The following ADAMTSL3 variants were observed in gnomAD, a reference collection of about 807,000 sequenced individuals.
ADAMTSL3 encodes ADAMTS like 3.
In ADAMTSL3, 128 loss-of-function variants were observed where a neutral mutation model predicts 201.7. The ratio of observed to expected loss-of-function variants is 0.63; its 90% CI spans 0.55 to 0.73. The LOEUF (loss-of-function observed/expected upper bound fraction) is 0.73, where lower values mean the gene tolerates loss of function less well. Among genes scored for constraint, ADAMTSL3 ranks in the 30% least tolerant of loss-of-function variants. The probability of loss-of-function intolerance (pLI) is 0.00; values close to 1 mark genes in which losing one functional copy is unlikely to be tolerated. For missense variants in ADAMTSL3, 1,990 were observed against 2,119.6 expected (o/e 0.94, Z 1.20); for synonymous variants, 738 against 748.4 (o/e 0.99, Z 0.23).
chr15:83,821,260 TA>T (rs1339237823), intron 6 of ADAMTSL3, among the ~76,000 whole-genome samples: 1 of 152,042 alleles, frequency 6.6e-6, no homozygotes, highest in Non-Finnish European at 1.5e-5. Context: ...TTTTTTTTTT[TA>T]ATTGATCATT....
Position 84,025,522 on chromosome 15 carries a change from C to T in ADAMTSL3, c.4656+86C>T. ...TAATCACCTTGTTTCCAATAAACTA[C>T]TTTTGGGGCGGGGGGCAGGAATCTG... is the stretch of plus-strand genomic sequence containing the variant. On this transcript the variant is annotated intron_variant, in intron 27 of 29. Transcript: ENST00000286744. 2.3e-6 allele frequency: 3 copies of T among 1,326,666 alleles called. No individual in the cohort carries two copies. The South Asian group carries it at 4.4e-5, about 20-fold the overall frequency. 82.2% of individuals were successfully genotyped at this position (1,326,666 alleles called of 1,614,324 possible).
chr15:83,886,619 G>C (rs2065396791), intron 10 of ADAMTSL3, among the ~76,000 whole-genome samples: 1 of 152,074 alleles, frequency 6.6e-6, no homozygotes, highest in Non-Finnish European at 1.5e-5. Context: ...CTCAGGTATG[G>C]TCTTGTTTGA....
At chr15:83,888,593 C>T (rs545808832) in intron 10 of ADAMTSL3, among the ~76,000 whole-genome samples, 49 of 152,290 alleles carry the variant, frequency 3.2e-4, no homozygotes, top group African/African-American at 1.2e-3. Context: ...TCATCGGTCT[C>T]TAAGGTACCG....
intron 29 of ADAMTSL3, among the ~76,000 whole-genome samples, chr15:84,037,197 T>C (rs982708006): frequency 6.6e-6 from 1 of 152,052 alleles, no homozygotes; most frequent in Non-Finnish European, 1.5e-5. Context: ...GAAAAGGCAG[T>C]TGGATTAGTA....
chr15:83,993,853 AC>A, intron 23 of ADAMTSL3, among the ~76,000 whole-genome samples: 1 of 152,234 alleles, frequency 6.6e-6, no homozygotes, highest in Non-Finnish European at 1.5e-5. Context: ...GGGGAAAATC[AC>A]CAGAAAATAT....
intron 2 of ADAMTSL3, among the ~76,000 whole-genome samples, chr15:83,685,491 A>G (rs1277297540): frequency 2.0e-5 from 3 of 152,154 alleles, no homozygotes; most frequent in Non-Finnish European, 4.4e-5. Flanking sequence ...CTTGTCTCTT[A>G]TAGTTTGCCT....
intron 6 of ADAMTSL3, among the ~76,000 whole-genome samples, chr15:83,826,664 C>T (rs1167933234): frequency 2.4e-5 from 3 of 125,434 alleles, no homozygotes; most frequent in Non-Finnish European, 5.1e-5. Context: ...TCCCCCCTCC[C>T]CCCACCCCAC....
intron 17 of ADAMTSL3, among the ~76,000 whole-genome samples, chr15:83,930,137 AG>A (rs2066331027): frequency 6.6e-6 from 1 of 152,186 alleles, no homozygotes. Context: ...ATTTCAGGTG[AG>A]TTCCTTAGCT....
At position 83,654,884 on chromosome 15, in the gene ADAMTSL3, G is replaced by A. The variant is rs548059748; in HGVS notation, c.-34+608G>A. 6.6e-6 allele frequency among the ~76,000 whole-genome samples: 1 copy of A among 152,284 alleles called. No individual in the cohort carries two copies. Among genetic ancestry groups the A allele is most frequent in the African/African-American group, 2.4e-5 (1 of 41,564 alleles). ...AGGTCGGAAACAGCAGCACATTTGC[G>A]GATCACATTAGACCAGGCCCTTAAT... is the stretch of plus-strand genomic sequence containing the variant. On this transcript the variant is annotated intron_variant, in intron 1 of 29. Transcript: ENST00000286744. The surrounding 1 kb of genome is among the most constrained non-coding windows in gnomAD (Gnocchi z 5.3).
chr15:83,813,642 G>C (rs1427523217), intron 5 of ADAMTSL3, among the ~76,000 whole-genome samples: 1 of 152,156 alleles, frequency 6.6e-6, no homozygotes, highest in Non-Finnish European at 1.5e-5. Flanking sequence ...GCTCTCCTCA[G>C]GTTCACTCTG....
rs139261884 is a variant in ADAMTSL3 at position 83,997,029 on chromosome 15, C to T, written c.3973+5815C>T. ...ATAGGACATCATACACTGCTGGTCA[C>T]AGTGTATATGTAATGAACCAATTTA... On this transcript the variant is annotated intron_variant, in intron 23 of 29. Coordinates refer to ENST00000286744, the MANE Select transcript of ADAMTSL3 (RefSeq NM_207517.3). Among the ~76,000 whole-genome samples, 21 of 152,262 alleles carry T rather than the reference C, an allele frequency of 1.4e-4. 1 individual carries two copies. Among genetic ancestry groups the T allele is most frequent in the African/African-American group, 5.1e-4 (21 of 41,548 alleles).
intron 28 of ADAMTSL3, among the ~76,000 whole-genome samples, chr15:84,035,859 T>A (rs772900828): frequency 6.6e-6 from 1 of 152,212 alleles, no homozygotes; most frequent in Non-Finnish European, 1.5e-5. Context: ...GTTCTGTGTG[T>A]TTCTGCTTCA....
intron 3 of ADAMTSL3, among the ~76,000 whole-genome samples, chr15:83,744,347 T>A (rs1478635277): frequency 6.6e-6 from 1 of 152,182 alleles, no homozygotes; most frequent in Non-Finnish European, 1.5e-5. Context: ...ATTCCATGAT[T>A]TTCTCATTCT....
intron 19 of ADAMTSL3, among the ~76,000 whole-genome samples, chr15:83,944,819 G>A (rs185232609): frequency 2.0e-5 from 3 of 152,212 alleles, no homozygotes; most frequent in Non-Finnish European, 2.9e-5. Flanking sequence ...GTTTACTTTC[G>A]CTAAATGCAA....
intron 4 of ADAMTSL3, among the ~76,000 whole-genome samples, chr15:83,795,876 G>A (rs1187774533): frequency 1.3e-5 from 2 of 152,076 alleles, no homozygotes; most frequent in Non-Finnish European, 2.9e-5. Context: ...ATAGAGCCCT[G>A]CTAATGACAA....
chr15:83,837,332 G>GA (rs1000726879), intron 6 of ADAMTSL3, among the ~76,000 whole-genome samples: 97 of 144,620 alleles, frequency 6.7e-4, no homozygotes, highest in Admixed American at 1.9e-3. Flanking sequence ...AGTAAAAACA[G>GA]AAAAAAAAAA....
chr15:83,715,182 G>A (rs768801628), intron 3 of ADAMTSL3, among the ~76,000 whole-genome samples: 8 of 152,138 alleles, frequency 5.3e-5, no homozygotes, highest in Non-Finnish European at 1.0e-4. Context: ...CAGGATGTGA[G>A]GCTTGGAGCA....
chr15:83,786,274 G>GT (rs1363213516), intron 4 of ADAMTSL3, among the ~76,000 whole-genome samples: 1 of 152,134 alleles, frequency 6.6e-6, no homozygotes, highest in Non-Finnish European at 1.5e-5. Flanking sequence ...ACCACGCCTG[G>GT]TTTGAACTTT....
At chr15:83,703,967 A>T (rs2061810453) in intron 2 of ADAMTSL3, among the ~76,000 whole-genome samples, 1 of 146,848 alleles carries the variant, frequency 6.8e-6, no homozygotes, top group African/African-American at 2.5e-5. Context: ...TTTTTGTTGT[A>T]GTATGGGAGA....
Sources: allele counts gnomAD v4.1 joint callset (sites outside exome capture counted in the v4.1 genomes callset), GRCh38; gene constraint gnomAD v4.1.1; non-coding constraint Gnocchi (gnomAD v3.1); transcripts MANE v1.5; gene names NCBI Gene and HGNC (gene_info 2026-07-23, HGNC 2026-07-21).